FXYD6: variants seen among roughly 807,000 people sequenced by gnomAD.
FXYD6 encodes the protein FXYD domain-containing ion transport regulator 6.
Under a neutral mutation model 16.7 loss-of-function variants are expected in FXYD6, and 7 were observed. That is an observed-to-expected ratio of 0.42 (90% CI 0.24 to 0.79). The LOEUF is 0.79. FXYD6 is among the 30% of genes least tolerant of loss of function. The pLI is 0.28. For missense variants in FXYD6, 111 were observed against 116.2 expected (o/e 0.95, Z 0.21); for synonymous variants, 49 against 43.0 (o/e 1.14, Z -0.54).
intron 1 of FXYD6, among the ~76,000 whole-genome samples, chr11:117,855,979 T>G (rs1308360745): frequency 6.6e-6 from 1 of 152,166 alleles, no homozygotes; most frequent in Non-Finnish European, 1.5e-5. Context: ...GAGAACGAAT[T>G]CTGTTTCCGC....
intron 1 of FXYD6, among the ~76,000 whole-genome samples, chr11:117,867,876 G>T (rs2057043876): frequency 6.6e-6 from 1 of 152,118 alleles, no homozygotes; most frequent in African/African-American, 2.4e-5. Flanking sequence ...GAAAAAAGAT[G>T]CCTGGAAATC....
intron 1 of FXYD6, among the ~76,000 whole-genome samples, chr11:117,866,318 TAAA>T (rs913852372): frequency 6.6e-6 from 1 of 150,828 alleles, no homozygotes; most frequent in Non-Finnish European, 1.5e-5. Flanking sequence ...TTTACCATAC[TAAA>T]AAAAAACTGG....
At chr11:117,856,443 C>T (rs2056727838) in intron 1 of FXYD6, among the ~76,000 whole-genome samples, 1 of 152,190 alleles carries the variant, frequency 6.6e-6, no homozygotes, top group South Asian at 2.1e-4. Flanking sequence ...ACCTGCTTGC[C>T]TTCCTGCAGG....
chr11:117,869,851 A>C (rs1272937019), intron 1 of FXYD6, among the ~76,000 whole-genome samples: 1 of 109,312 alleles, frequency 9.1e-6, no homozygotes, highest in Non-Finnish European at 2.0e-5. Flanking sequence ...GAGAGATCTT[A>C]GCCTCTGGTC....
intron 1 of FXYD6, among the ~76,000 whole-genome samples, chr11:117,869,381 C>T (rs2057084458): frequency 6.6e-6 from 1 of 152,210 alleles, no homozygotes; most frequent in African/African-American, 2.4e-5. Context: ...GGTGGCCTTT[C>T]CCTCTCCTGT....
At chr11:117,855,039 G>A (rs2056691045) in intron 1 of FXYD6, among the ~76,000 whole-genome samples, 1 of 152,192 alleles carries the variant, frequency 6.6e-6, no homozygotes, top group Admixed American at 6.5e-5. Flanking sequence ...CCAAATAGCT[G>A]CCATTTCTAG....
chr11:117,874,493 C>T (rs944976205), intron 1 of FXYD6, among the ~76,000 whole-genome samples: 2 of 152,186 alleles, frequency 1.3e-5, no homozygotes, highest in Admixed American at 6.5e-5. Flanking sequence ...CAGGCAACGG[C>T]GGGTAGCCCT....
At chr11:117,850,371 G>A (rs2134157503) in intron 1 of FXYD6, among the ~76,000 whole-genome samples, 1 of 152,254 alleles carries the variant, frequency 6.6e-6, no homozygotes, top group South Asian at 2.1e-4. Context: ...TCTGAGTTGG[G>A]TCTTTTAGAA....
chr11:117,865,990 C>T (rs1172354459), intron 1 of FXYD6, among the ~76,000 whole-genome samples: 2 of 152,178 alleles, frequency 1.3e-5, no homozygotes, highest in African/African-American at 4.8e-5. Context: ...GTTCCAGCTA[C>T]AACATGGATG....
At position 117,852,011 on chromosome 11, in the gene FXYD6, G is replaced by T. The variant is rs143613311; in HGVS notation, c.-5-9230C>A. Among the ~76,000 whole-genome samples the T allele has an allele frequency of 3.3e-5, 5 of 152,392 alleles. No individual in the cohort carries two copies. The East Asian group carries it at 9.6e-4, about 29-fold the overall frequency. On this transcript the variant is annotated intron_variant, in intron 1 of 7. Coordinates refer to ENST00000526014, the MANE Select transcript of FXYD6 (RefSeq NM_022003.4). ...CTGGCTTGAAAAAGCAAGCTGCTATGTCATGAGACAGGCTACGGAGAGAAG... is the reference window on the plus strand; with the variant it reads ...CTGGCTTGAAAAAGCAAGCTGCTATTTCATGAGACAGGCTACGGAGAGAAG...
chr11:117,851,772 A>G (rs498314), intron 1 of FXYD6, among the ~76,000 whole-genome samples: 133,175 of 152,276 alleles, frequency 0.87, 58,842 homozygotes, highest in East Asian at 1. Context: ...TTTCACCTTT[A>G]TGGCAAGAGA....
rs2057147894 is a variant in FXYD6 at position 117,872,003 on chromosome 11, G to A, written c.-6+4589C>T. Reference sequence around the variant, plus strand: ...GCAGAGGTGGCTGCAGCCAGGTCACGCTGAGCCTGGAGTGCCTACACCATG... The same window carrying A: ...GCAGAGGTGGCTGCAGCCAGGTCACACTGAGCCTGGAGTGCCTACACCATG... On this transcript the variant is annotated intron_variant, in intron 1 of 7. Transcript: ENST00000526014. This position sits in a 1 kb window ranked among gnomAD's most constrained non-coding sequence, Gnocchi z 4.9. 1.3e-5 allele frequency among the ~76,000 whole-genome samples: 2 copies of A among 152,320 alleles called. No individual in the cohort carries two copies. Among genetic ancestry groups the A allele is most frequent in the South Asian group, 2.1e-4 (1 of 4,830 alleles).
At chr11:117,850,605 A>G (rs919093035) in intron 1 of FXYD6, among the ~76,000 whole-genome samples, 3 of 152,046 alleles carry the variant, frequency 2.0e-5, no homozygotes, top group Non-Finnish European at 4.4e-5. Flanking sequence ...TCCCTATGGG[A>G]ATGTGCTTGT....
At position 117,837,923 on chromosome 11, in the gene FXYD6, A is replaced by T. The variant is rs2056236643; in HGVS notation, c.*376T>A. The T allele has an allele frequency of 2.3e-6, 1 of 441,388 alleles. No homozygotes were observed. Among genetic ancestry groups the T allele is most frequent in the South Asian group, 3.0e-5 (1 of 33,684 alleles). 27.3% of individuals were successfully genotyped at this position (441,388 alleles called of 1,614,324 possible). On this transcript the variant is annotated 3_prime_UTR_variant, in exon 8 of 8. Transcript: ENST00000526014. This position sits in a 1 kb window ranked among gnomAD's most constrained non-coding sequence, Gnocchi z 4.4. ...ATGGAGGGCCACGGGGGCAGGGAGG[A>T]GCAGATGGCCATGTGGCTCAGCCCC...
chr11:117,863,325 A>G (rs2056948524), intron 1 of FXYD6, among the ~76,000 whole-genome samples: 1 of 152,188 alleles, frequency 6.6e-6, no homozygotes, highest in East Asian at 1.9e-4. Flanking sequence ...AATATAATAT[A>G]CCACATTAGC....
At chr11:117,862,800 A>C (rs2056937636) in intron 1 of FXYD6, among the ~76,000 whole-genome samples, 1 of 152,134 alleles carries the variant, frequency 6.6e-6, no homozygotes, top group Admixed American at 6.5e-5. Flanking sequence ...TGGGTTGAGG[A>C]GGTCACGGCA....
chr11:117,849,686 G>A (rs935903188), intron 1 of FXYD6, among the ~76,000 whole-genome samples: 5 of 151,974 alleles, frequency 3.3e-5, no homozygotes, highest in East Asian at 1.9e-4. Flanking sequence ...GCTTTTGGTC[G>A]CTTGCTTTTT....
intron 7 of FXYD6, chr11:117,839,454 T>C (rs990526721): frequency 1.1e-5 from 4 of 378,416 alleles, no homozygotes; most frequent in Non-Finnish European, 1.9e-5. Flanking sequence ...ATTATCTTTA[T>C]GCTACTTTGA....
chr11:117,867,750 T>C (rs560710378), intron 1 of FXYD6, among the ~76,000 whole-genome samples: 2 of 152,326 alleles, frequency 1.3e-5, no homozygotes, highest in East Asian at 3.9e-4. Context: ...TTGTATATTC[T>C]GTTCCTTCTA....
Sources: gnomAD v4.1 joint callset for allele counts (sites outside exome capture counted in the v4.1 genomes callset) on GRCh38, gnomAD v4.1.1 for gene constraint, Gnocchi (gnomAD v3.1) non-coding constraint, MANE v1.5 for transcripts, NCBI Gene and HGNC (gene_info 2026-07-23, HGNC 2026-07-21) for gene names.